ZNF469: variants seen among roughly 807,000 people sequenced by gnomAD.
ZNF469 encodes zinc finger protein 469.
ZNF469 carries 1 observed loss-of-function variant against 1.0 expected under a neutral mutation model. The observed-to-expected ratio is 1.00, with a 90% CI of 0.35 to 4.73. ZNF469 has a LOEUF of 4.73. Among genes scored for constraint, ZNF469 ranks in the 30% most tolerant of loss-of-function variants. The probability of loss-of-function intolerance (pLI) is 0.16; values close to 1 mark genes in which losing one functional copy is unlikely to be tolerated. For missense variants in ZNF469, 6,100 were observed against 5,356.3 expected (o/e 1.14, Z -4.33); for synonymous variants, 2,703 against 2,363.4 (o/e 1.14, Z -4.17).
In ZNF469 at chr16:88,434,057, C is replaced by G. The variant is rs1377516980; in HGVS notation, c.6587C>G (p.Pro2196Arg). Residue 2196 changes from proline to arginine, a missense_variant, in exon 3 of 3, where the codon CCC becomes CGC. Coordinates refer to ENST00000565624, the MANE Select transcript of ZNF469 (RefSeq NM_001367624.2). ...DTGAEDSPVA[P>R]PSLTTSPCDP... Reference sequence around the variant, plus strand: ...GGGGCTGAGGATTCCCCGGTGGCTCCCCCGTCTTTGACAACAAGCCCCTGC... The same window carrying G: ...GGGGCTGAGGATTCCCCGGTGGCTCGCCCGTCTTTGACAACAAGCCCCTGC... 2 of 1,550,304 alleles carry G rather than the reference C, an allele frequency of 1.3e-6. No homozygotes were observed. The highest frequency in any genetic ancestry group is 8.7e-7 in the Non-Finnish European group (1 of 1,146,902).
At chr16:88,149,645 G>A in the ZNF469 span, among the ~76,000 whole-genome samples, 418 of 152,216 alleles carry the variant, frequency 2.7e-3, 2 homozygotes, top group African/African-American at 8.9e-3. Context: ...AGAACCCCCC[G>A]CACCCCCAGC....
At chr16:88,202,784 G>T in the ZNF469 span, among the ~76,000 whole-genome samples, 1 of 152,234 alleles carries the variant, frequency 6.6e-6, no homozygotes, top group Non-Finnish European at 1.5e-5. Context: ...AGCACTGGGG[G>T]TGAGGAGGTG....
the ZNF469 span, among the ~76,000 whole-genome samples, chr16:88,350,248 C>T: frequency 6.6e-6 from 1 of 152,272 alleles, no homozygotes; most frequent in Non-Finnish European, 1.5e-5. Flanking sequence ...TCCCACAGCA[C>T]TGCCCTCCTG....
chr16:88,200,015 C>G, the ZNF469 span, among the ~76,000 whole-genome samples: 1 of 152,194 alleles, frequency 6.6e-6, no homozygotes, highest in Non-Finnish European at 1.5e-5. Flanking sequence ...CATGACCTCG[C>G]CAAATGCCTC....
At chr16:88,171,451 T>C in the ZNF469 span, among the ~76,000 whole-genome samples, 2 of 152,240 alleles carry the variant, frequency 1.3e-5, no homozygotes, top group African/African-American at 4.8e-5. Context: ...TGCCCTGCTG[T>C]ATCTCAGAAA....
chr16:88,137,199 C>G, the ZNF469 span, among the ~76,000 whole-genome samples: 1 of 152,246 alleles, frequency 6.6e-6, no homozygotes, highest in African/African-American at 2.4e-5. Flanking sequence ...GAGCATACAA[C>G]TACATATGCA....
At chr16:88,154,073 C>T in the ZNF469 span, among the ~76,000 whole-genome samples, 1 of 152,224 alleles carries the variant, frequency 6.6e-6, no homozygotes. Flanking sequence ...CTTCTCCGGT[C>T]CTCTGGTCAG....
At chr16:88,216,363 G>A in the ZNF469 span, among the ~76,000 whole-genome samples, 1 of 151,966 alleles carries the variant, frequency 6.6e-6, no homozygotes, top group Non-Finnish European at 1.5e-5. Flanking sequence ...GCGCGGTGGT[G>A]GGTGCCTGTA....
the ZNF469 span, among the ~76,000 whole-genome samples, chr16:88,280,583 G>T: frequency 4.7e-5 from 7 of 150,382 alleles, 1 homozygote; most frequent in African/African-American, 1.7e-4. Context: ...TGCTGATGTT[G>T]GTGCACAGGT....
intron 1 of ZNF469, among the ~76,000 whole-genome samples, chr16:88,420,838 G>A (rs1401845725): frequency 1.3e-5 from 2 of 152,242 alleles, no homozygotes; most frequent in East Asian, 1.9e-4. Context: ...AGGCTGGGAC[G>A]GGGCTTGGAT....
intron 1 of ZNF469, among the ~76,000 whole-genome samples, chr16:88,385,478 A>G (rs532886068): frequency 6.6e-6 from 1 of 152,120 alleles, no homozygotes; most frequent in African/African-American, 2.4e-5. Flanking sequence ...TCTACTAAAA[A>G]AAAAATTGAA....
chr16:88,296,069 C>T, the ZNF469 span, among the ~76,000 whole-genome samples: 1 of 152,294 alleles, frequency 6.6e-6, no homozygotes, highest in East Asian at 1.9e-4. Flanking sequence ...AGGGTGGAAG[C>T]GAGCCCGCCC....
At chr16:88,383,375 C>T (rs1381663795) in intron 1 of ZNF469, among the ~76,000 whole-genome samples, 121 bp downstream of exon 1, 1 of 147,784 alleles carries the variant, frequency 6.8e-6, no homozygotes, top group African/African-American at 2.4e-5. Context: ...CCTGCGCCCT[C>T]GGGGGCCGCT....
chr16:88,296,686 ACACT>A, the ZNF469 span, among the ~76,000 whole-genome samples: 6 of 151,968 alleles, frequency 3.9e-5, no homozygotes, highest in African/African-American at 1.2e-4. Flanking sequence ...ACACTCGTGC[ACACT>A]CACATGTGCA....
rs1280188428 is a variant in ZNF469, at chr16:88,430,636, C to T, written c.3166C>T (p.Gln1056Ter). The change falls in exon 3 of 3, where the codon CAG becomes TAG. Residue 1056 changes from glutamine (Q) to a stop codon, truncating the protein, a stop_gained. Transcript: ENST00000565624. LOFTEE classifies it low-confidence loss of function (END_TRUNC). ...WGKELILKIV[Q>*]QKNRRHRRLG... ...CAAGGAGCTCATTCTGAAGATCGTG[C>T]AGCAGAAGAACAGGCGCCACCGGCG... 6.7e-7 allele frequency: 1 copy of T among 1,498,938 alleles called. No homozygotes were observed. Among genetic ancestry groups the T allele is most frequent in the South Asian group, 1.2e-5 (1 of 80,136 alleles). The allele number at this position is 1,498,938 out of a possible 1,614,324, so 92.9% of individuals were successfully genotyped here.
At chr16:88,103,827 C>T in the ZNF469 span, among the ~76,000 whole-genome samples, 3 of 145,300 alleles carry the variant, frequency 2.1e-5, no homozygotes, top group South Asian at 2.2e-4. Flanking sequence ...CAAAAGGGAG[C>T]GGTGGAATAA....
the ZNF469 span, among the ~76,000 whole-genome samples, chr16:88,124,270 G>T: frequency 6.6e-6 from 1 of 152,186 alleles, no homozygotes; most frequent in Non-Finnish European, 1.5e-5. Context: ...GTCTCACTCT[G>T]TCACCCAGGC....
the ZNF469 span, among the ~76,000 whole-genome samples, chr16:88,258,944 G>C: frequency 0.54 from 81,846 of 151,504 alleles, 22,482 homozygotes; most frequent in East Asian, 0.88. Flanking sequence ...CCTTGTCCGT[G>C]GGGTGGTAGA....
the ZNF469 span, among the ~76,000 whole-genome samples, chr16:88,139,316 C>A: frequency 6.6e-6 from 1 of 152,012 alleles, no homozygotes; most frequent in African/African-American, 2.4e-5. Context: ...AAAAGTGGAT[C>A]TGAAACCTTT....
Sources: gnomAD v4.1 joint callset for allele counts (sites outside exome capture counted in the v4.1 genomes callset) on GRCh38, gnomAD v4.1.1 for gene constraint, MANE v1.5 for transcripts, NCBI Gene and HGNC (gene_info 2026-07-23, HGNC 2026-07-21) for gene names.